PSMA5: variants seen among roughly 807,000 people sequenced by gnomAD.
PSMA5 encodes proteasome 20S subunit alpha 5.
Under a neutral mutation model 34.5 loss-of-function variants are expected in PSMA5, and 3 were observed. That is an observed-to-expected ratio of 0.09 (90% confidence interval 0.04 to 0.22). The LOEUF (loss-of-function observed/expected upper bound fraction) is 0.22. PSMA5 is among the 10% of genes least tolerant of loss of function. The pLI is 1.00. For missense variants in PSMA5, 120 were observed against 286.1 expected, an observed-to-expected ratio of 0.42 and a Z score of 4.19; for synonymous variants, 88 against 95.8, an observed-to-expected ratio of 0.92 and a Z score of 0.47.
chr1:109,401,919 T>G lies in PSMA5; in HGVS notation c.*94A>C. On this transcript the variant is annotated 3_prime_UTR_variant, in exon 9 of 9. Coordinates refer to ENST00000271308, the MANE Select transcript of PSMA5 (RefSeq NM_002790.4). ...CATCATTTAAAAAATGCACATACAA[T>G]GGAGATTTTCCAAGGAACAGGAGCT... The G allele has an allele frequency of 2.7e-5, 26 of 961,022 alleles. No individual in the cohort carries two copies. Among genetic ancestry groups the G allele is most frequent in the Non-Finnish European group, 3.8e-5 (24 of 637,234 alleles). 59.5% of individuals were successfully genotyped at this position (961,022 alleles called of 1,614,324 possible). A position where few individuals can be genotyped will look rare whatever the true frequency, so the allele number is the denominator to read the frequency against.
chr1:109,412,838 A>G (rs1654051468), intron 4 of PSMA5: 1 of 419,704 alleles, frequency 2.4e-6, no homozygotes, highest in East Asian at 3.8e-5. Context: ...AGCCAAAAAA[A>G]AAAGGAAGAC....
At chr1:109,402,167 G>GCATCACCAACACAGCTTC in intron 8 of PSMA5, 77 bp from the exon 9 acceptor site, 1 of 1,059,824 alleles carries the variant, frequency 9.4e-7, no homozygotes. Context: ...AGGAGAAGCT[G>GCATCACCAACACAGCTTC]TGTTGGTGAT....
chr1:109,400,463 A>T lies in PSMA5; in HGVS notation c.*1550T>A, dbSNP rs1276869399. On this transcript the variant is annotated 3_prime_UTR_variant, in exon 9 of 9. Coordinates refer to ENST00000271308, the MANE Select transcript of PSMA5 (RefSeq NM_002790.4). ...GCTCAATAAATTTGTTACAGGAATAAATGAGATAGGATTTTCAAGGGTATT... is the reference window on the plus strand; with the variant it reads ...GCTCAATAAATTTGTTACAGGAATATATGAGATAGGATTTTCAAGGGTATT... The T allele has an allele frequency of 6.6e-6, 1 of 152,240 alleles. No individual in the cohort carries two copies. Among genetic ancestry groups the T allele is most frequent in the Non-Finnish European group, 1.5e-5 (1 of 68,040 alleles). 9.4% of individuals were successfully genotyped at this position (152,240 alleles called of 1,614,324 possible).
intron 8 of PSMA5, among the ~76,000 whole-genome samples, chr1:109,403,851 A>G (rs1431652240): frequency 6.6e-6 from 1 of 152,158 alleles, no homozygotes; most frequent in South Asian, 2.1e-4. Context: ...GACTTAAAAA[A>G]AAAGTTCTCC....
chr1:109,406,424 G>C (rs1008821301), intron 8 of PSMA5, among the ~76,000 whole-genome samples: 1 of 152,282 alleles, frequency 6.6e-6, no homozygotes, highest in Non-Finnish European at 1.5e-5. Flanking sequence ...AAGAAGTATA[G>C]TCCCTATAAT....
At chr1:109,406,524 C>T (rs1239075317) in intron 8 of PSMA5, among the ~76,000 whole-genome samples, 1 of 151,966 alleles carries the variant, frequency 6.6e-6, no homozygotes, top group African/African-American at 2.4e-5. Context: ...ACAGCAAGAC[C>T]CCATCTCTAA....
intron 2 of PSMA5, among the ~76,000 whole-genome samples, chr1:109,417,881 C>G (rs549221324): frequency 2.0e-5 from 3 of 152,186 alleles, no homozygotes; most frequent in Admixed American, 6.5e-5. Context: ...AACCACTCAT[C>G]ACTACTATGG....
intron 8 of PSMA5, among the ~76,000 whole-genome samples, chr1:109,402,959 C>G (rs1487714873): frequency 6.6e-6 from 1 of 152,188 alleles, no homozygotes; most frequent in Non-Finnish European, 1.5e-5. Flanking sequence ...CCCACCTCAG[C>G]TTCCCAAAGT....
intron 2 of PSMA5, among the ~76,000 whole-genome samples, chr1:109,419,777 T>G (rs1571029136): frequency 7.5e-6 from 1 of 133,718 alleles, no homozygotes. Context: ...CCAGCCTGGG[T>G]GAGAGAGTGA....
intron 7 of PSMA5, among the ~76,000 whole-genome samples, chr1:109,410,412 G>C (rs1653944215): frequency 6.6e-6 from 1 of 152,190 alleles, no homozygotes. Flanking sequence ...AATTTACCCT[G>C]TTTTGTACCT....
At chr1:109,415,133 A>G in intron 3 of PSMA5, 104 bp downstream of exon 3, 1 of 1,344,176 alleles carries the variant, frequency 7.4e-7, no homozygotes, top group East Asian at 2.4e-5. Flanking sequence ...AATAATAGCT[A>G]ACAAGGGGAT....
Position 109,404,840 on chromosome 1 carries a change from G to C in PSMA5, c.649-2750C>G, listed in dbSNP as rs565381991. Among the ~76,000 whole-genome samples, 3 of 152,332 alleles carry C rather than the reference G, an allele frequency of 2.0e-5. No homozygotes were observed. In the East Asian group the frequency reaches 5.8e-4, roughly 29 times the overall value. ...GATGAAGAAAGTCTTTATTTACTAA[G>C]TGCTAGATGCCAAATGTGTTCAATG... is the stretch of plus-strand genomic sequence containing the variant. On this transcript the variant is annotated intron_variant, in intron 8 of 8. Coordinates refer to ENST00000271308, the MANE Select transcript of PSMA5 (RefSeq NM_002790.4).
chr1:109,422,864 T>C (rs943763851), intron 1 of PSMA5, among the ~76,000 whole-genome samples: 5 of 152,258 alleles, frequency 3.3e-5, no homozygotes, highest in South Asian at 2.1e-4. Flanking sequence ...CTGAGATCCA[T>C]GTAGTTCCTA....
At chr1:109,409,656 A>G (rs1383248871) in intron 8 of PSMA5, among the ~76,000 whole-genome samples, 1 of 152,222 alleles carries the variant, frequency 6.6e-6, no homozygotes, top group Non-Finnish European at 1.5e-5. Flanking sequence ...GCTCTCACCT[A>G]TAGTCCCAGG....
chr1:109,405,586 T>C (rs922399383), intron 8 of PSMA5, among the ~76,000 whole-genome samples: 3 of 151,134 alleles, frequency 2.0e-5, no homozygotes, highest in Non-Finnish European at 4.4e-5. Context: ...TACAGGCACA[T>C]GTCACCGTGC....
chr1:109,420,191 T>C (rs1199670625), intron 2 of PSMA5, among the ~76,000 whole-genome samples: 1 of 151,908 alleles, frequency 6.6e-6, no homozygotes, highest in Non-Finnish European at 1.5e-5. Context: ...GTGAAAAGCA[T>C]TTAGTTATAC....
chr1:109,417,077 C>G (rs911483784), intron 2 of PSMA5, among the ~76,000 whole-genome samples: 4 of 152,146 alleles, frequency 2.6e-5, no homozygotes, highest in African/African-American at 9.7e-5. Context: ...TGCATTCCAG[C>G]CTGGACAACA....
chr1:109,415,498 C>G (rs1216879567), intron 2 of PSMA5, 135 bp from the exon 3 acceptor site: 2 of 743,638 alleles, frequency 2.7e-6, no homozygotes, highest in Non-Finnish European at 3.9e-6. Flanking sequence ...AGAAGGAGCA[C>G]CCTAACATAC....
At chr1:109,418,150 G>A (rs1432324988) in intron 2 of PSMA5, among the ~76,000 whole-genome samples, 1 of 152,048 alleles carries the variant, frequency 6.6e-6, no homozygotes, top group African/African-American at 2.4e-5. Context: ...GGAGGTTGAG[G>A]CTGCAGTGAG....
Sources: gnomAD v4.1 joint callset for allele counts (sites outside exome capture counted in the v4.1 genomes callset) on GRCh38, gnomAD v4.1.1 for gene constraint, MANE v1.5 for transcripts, NCBI Gene and HGNC (gene_info 2026-07-23, HGNC 2026-07-21) for gene names.